The following LRP5 variants were observed in gnomAD, a reference collection of about 807,000 sequenced individuals.
LRP5 encodes LDL receptor related protein 5.
LRP5 carries 62 observed loss-of-function variants against 154.1 expected under a neutral mutation model. That is an observed-to-expected ratio of 0.40 (90% CI 0.33 to 0.50). The LOEUF is 0.50. Ranked by LOEUF, LRP5 falls within the 20% of genes least tolerant of loss-of-function variation. The probability of loss-of-function intolerance (pLI) is 0.55; values close to 1 mark genes in which losing one functional copy is unlikely to be tolerated. For missense variants in LRP5, 1,915 were observed against 2,336.7 expected, an observed-to-expected ratio of 0.82 and a Z score of 3.72; for synonymous variants, 966 against 1,011.5, an observed-to-expected ratio of 0.96 and a Z score of 0.85.
intron 7 of LRP5, among the ~76,000 whole-genome samples, chr11:68,400,821 G>T (rs537362804): frequency 6.6e-6 from 1 of 152,188 alleles, no homozygotes; most frequent in East Asian, 1.9e-4. Flanking sequence ...AAGGAAGGCC[G>T]AGATGGGCAG....
At chr11:68,420,707 A>G (rs1180963169) in intron 13 of LRP5, among the ~76,000 whole-genome samples, 1 of 147,734 alleles carries the variant, frequency 6.8e-6, no homozygotes, top group Non-Finnish European at 1.5e-5. Context: ...TCCTGTCTCA[A>G]AAAAAAAAAA....
Position 68,425,971 on chromosome 11 carries a change from C to G in LRP5, c.3428-7C>G, listed in dbSNP as rs2098668532. 6.2e-7 allele frequency: 1 copy of G among 1,609,158 alleles called. No individual in the cohort carries two copies. The highest frequency in any genetic ancestry group is 1.1e-5 in the South Asian group (1 of 91,090). On this transcript the variant is annotated splice_region_variant and splice_polypyrimidine_tract_variant and intron_variant, in intron 15 of 22. Coordinates refer to ENST00000294304, the MANE Select transcript of LRP5 (RefSeq NM_002335.4). Reference sequence around the variant, plus strand: ...ACTGCTCAGGGGGGCCCACGGGCTGCTTGCAGGGGCCAACCGCCTGACCCT... The same window carrying G: ...ACTGCTCAGGGGGGCCCACGGGCTGGTTGCAGGGGCCAACCGCCTGACCCT...
chr11:68,345,348 C>T (rs1161901789), intron 1 of LRP5, among the ~76,000 whole-genome samples: 9 of 152,102 alleles, frequency 5.9e-5, no homozygotes, highest in East Asian at 5.8e-4. Flanking sequence ...AATGCAGTGG[C>T]GCAATCTTGG....
At chr11:68,360,744 T>C (rs2098627153) in intron 3 of LRP5, among the ~76,000 whole-genome samples, 1 of 152,126 alleles carries the variant, frequency 6.6e-6, no homozygotes, top group Non-Finnish European at 1.5e-5. Context: ...ACGCGTGTAA[T>C]CCCAGCACTT....
At chr11:68,409,396 T>C (rs1017240187) in intron 9 of LRP5, among the ~76,000 whole-genome samples, 2 of 148,354 alleles carry the variant, frequency 1.3e-5, no homozygotes, top group Non-Finnish European at 3.0e-5. Context: ...TATTATTTTA[T>C]ATAAAATATA....
chr11:68,389,071 A>G (rs2098644620), intron 6 of LRP5, among the ~76,000 whole-genome samples: 1 of 48,620 alleles, frequency 2.1e-5, no homozygotes, highest in Non-Finnish European at 4.5e-5. Context: ...ACATTTACCA[A>G]CACTATTTAC....
chr11:68,412,092 C>T (rs314751), intron 11 of LRP5, among the ~76,000 whole-genome samples: 90,819 of 152,022 alleles, frequency 0.6, 29,822 homozygotes, highest in South Asian at 0.8. Context: ...TCCACACGCC[C>T]GGGACCCCAG....
chr11:68,423,387 GTC>G lies in LRP5; in HGVS notation c.3028-99_3028-98del. ...AGGGCTCTCCAGCCAGTGCCCGGGGGTCTCCACCAGTGCCCGGGGGTCTCCGC... is the reference window on the plus strand; with the variant it reads ...AGGGCTCTCCAGCCAGTGCCCGGGGGTCCACCAGTGCCCGGGGGTCTCCGC... On this transcript the variant is annotated intron_variant, in intron 13 of 22. Transcript: ENST00000294304. This position sits in a 1 kb window ranked among gnomAD's most constrained non-coding sequence, Gnocchi z 4.7. 9.3e-7 allele frequency: 1 copy of G among 1,071,128 alleles called. No individual in the cohort carries two copies. Among genetic ancestry groups the G allele is most frequent in the Non-Finnish European group, 1.5e-6 (1 of 688,442 alleles). The allele number at this position is 1,071,128 out of a possible 1,614,324, so 66.4% of individuals were successfully genotyped here. A position where few individuals can be genotyped will look rare whatever the true frequency, so the allele number is the denominator to read the frequency against.
chr11:68,386,265 G>A lies in LRP5; in HGVS notation c.1016-51G>A, dbSNP rs771519499. Reference sequence around the variant, plus strand: ...CCCGGCCCACCCCAGGCCTAGACTTGTGCCTGCTGCAGGCCCTTGACCCCT... The same window carrying A: ...CCCGGCCCACCCCAGGCCTAGACTTATGCCTGCTGCAGGCCCTTGACCCCT... On this transcript the variant is annotated intron_variant, in intron 5 of 22. Transcript: ENST00000294304. The surrounding 1 kb of genome is among the most constrained non-coding windows in gnomAD (Gnocchi z 7.9). 5.6e-6 allele frequency: 9 copies of A among 1,603,660 alleles called. No homozygotes were observed. In the South Asian group the frequency reaches 9.9e-5, roughly 18 times the overall value.
intron 20 of LRP5, 104 bp downstream of exon 20, chr11:68,438,786 T>G: frequency 1.0e-6 from 1 of 952,992 alleles, no homozygotes. Flanking sequence ...CTCTTGCACA[T>G]GTGGCAGACA....
At chr11:68,436,803 G>T in intron 18 of LRP5, 86 bp from the exon 19 acceptor site, 1 of 921,988 alleles carries the variant, frequency 1.1e-6, no homozygotes, top group Non-Finnish European at 1.8e-6. Flanking sequence ...CTCTCTGTTT[G>T]GAGTCCAGAC....
At chr11:68,342,194 A>G (rs1234080993) in intron 1 of LRP5, among the ~76,000 whole-genome samples, 1 of 151,408 alleles carries the variant, frequency 6.6e-6, no homozygotes, top group Non-Finnish European at 1.5e-5. Context: ...TGCTGGGATT[A>G]TAGGTGTGAG....
intron 7 of LRP5, among the ~76,000 whole-genome samples, chr11:68,394,168 CTG>C (rs1482904796): frequency 1.3e-5 from 2 of 152,078 alleles, no homozygotes; most frequent in African/African-American, 4.8e-5. Flanking sequence ...TACACGATGT[CTG>C]TGGTTTGGTC....
At chr11:68,410,764 T>C (rs2098658998) in intron 10 of LRP5, among the ~76,000 whole-genome samples, 2 of 152,192 alleles carry the variant, frequency 1.3e-5, no homozygotes, top group Non-Finnish European at 2.9e-5. Flanking sequence ...ACTTGAGTTT[T>C]CTTTTCTGTG....
chr11:68,298,685 G>C, the LRP5 span, among the ~76,000 whole-genome samples: 1 of 152,152 alleles, frequency 6.6e-6, no homozygotes, highest in Admixed American at 6.5e-5. Context: ...TCCTGCTAGA[G>C]CCTAGGGGCT....
chr11:68,331,722 C>G (rs1415489669), intron 1 of LRP5, among the ~76,000 whole-genome samples: 1 of 151,334 alleles, frequency 6.6e-6, no homozygotes, highest in Non-Finnish European at 1.5e-5. Context: ...GGACCTCAGT[C>G]AATTATGGTT....
chr11:68,299,096 T>C, the LRP5 span, among the ~76,000 whole-genome samples: 1 of 152,188 alleles, frequency 6.6e-6, no homozygotes, highest in African/African-American at 2.4e-5. Context: ...ACCAACCAGC[T>C]GCCCCTGGTC....
In LRP5 at chr11:68,413,465, C is replaced by T. The variant is rs1198618687; in HGVS notation, c.2504-224C>T. Among the ~76,000 whole-genome samples the T allele has an allele frequency of 6.6e-6, 1 of 152,180 alleles. No homozygotes were observed. Among genetic ancestry groups the T allele is most frequent in the African/African-American group, 2.4e-5 (1 of 41,434 alleles). On this transcript the variant is annotated intron_variant, in intron 11 of 22. Coordinates refer to ENST00000294304, the MANE Select transcript of LRP5 (RefSeq NM_002335.4). This position sits in a 1 kb window ranked among gnomAD's most constrained non-coding sequence, Gnocchi z 5.1. ...CGCTGCCTGGGTGGTAATCCTGGCC[C>T]TGCCACTTAGCAACTGTGTGACTGT...
chr11:68,421,209 A>T (rs2098665425), intron 13 of LRP5, among the ~76,000 whole-genome samples: 2 of 152,174 alleles, frequency 1.3e-5, no homozygotes, highest in African/African-American at 4.8e-5. Context: ...CCTGGGCAAC[A>T]GAGCAAGACT....
Sources: allele counts gnomAD v4.1 joint callset (sites outside exome capture counted in the v4.1 genomes callset), GRCh38; gene constraint gnomAD v4.1.1; non-coding constraint Gnocchi (gnomAD v3.1); transcripts MANE v1.5; gene names NCBI Gene and HGNC (gene_info 2026-07-23, HGNC 2026-07-21).